PDE4B: variants seen among roughly 807,000 people sequenced by gnomAD.
PDE4B encodes the protein 3',5'-cyclic-AMP phosphodiesterase 4B.
In PDE4B, 20 loss-of-function variants were observed where a neutral mutation model predicts 82.2. The observed-to-expected ratio is 0.24, with a 90% CI of 0.17 to 0.35. The LOEUF is 0.35. PDE4B is among the 10% of genes least tolerant of loss of function. The pLI, the probability that PDE4B is intolerant of heterozygous loss-of-function variation, is 1.00. For synonymous variants in PDE4B, 320 were observed against 318.9 expected, an observed-to-expected ratio of 1.00 and a Z score of -0.04; for missense variants, 655 against 907.2, an observed-to-expected ratio of 0.72 and a Z score of 3.57.
At chr1:66,072,917 G>A (rs768012102) in intron 3 of PDE4B, among the ~76,000 whole-genome samples, 24 of 151,742 alleles carry the variant, frequency 1.6e-4, no homozygotes, top group Admixed American at 2.6e-4. Flanking sequence ...GGAAACTGTA[G>A]GATTGATGAA....
At chr1:66,246,568 A>G (rs901533131) in intron 3 of PDE4B, among the ~76,000 whole-genome samples, 3 of 152,210 alleles carry the variant, frequency 2.0e-5, no homozygotes, top group Non-Finnish European at 4.4e-5. Context: ...GCAGGAAAAA[A>G]TGCATATGTA....
intron 3 of PDE4B, among the ~76,000 whole-genome samples, chr1:66,033,610 A>T (rs569318733): frequency 6.6e-6 from 1 of 151,968 alleles, no homozygotes; most frequent in Non-Finnish European, 1.5e-5. Flanking sequence ...TTAGAATCTT[A>T]CTTGGAATGT....
chr1:65,875,616 C>A (rs1453758640), intron 1 of PDE4B, among the ~76,000 whole-genome samples: 6 of 147,684 alleles, frequency 4.1e-5, no homozygotes, highest in Admixed American at 2.7e-4. Context: ...GAATACTATG[C>A]AGCCATAAAA....
chr1:65,873,583 A>T (rs1265011914), intron 1 of PDE4B, among the ~76,000 whole-genome samples: 1 of 152,220 alleles, frequency 6.6e-6, no homozygotes, highest in African/African-American at 2.4e-5. Flanking sequence ...ATCATCACAT[A>T]CTTTCCTCAG....
At chr1:65,956,757 T>A (rs1444817307) in intron 3 of PDE4B, among the ~76,000 whole-genome samples, 1 of 152,138 alleles carries the variant, frequency 6.6e-6, no homozygotes. Context: ...TGCACATATG[T>A]ACCCGGAGAA....
At chr1:66,104,876 C>A (rs1645310160) in intron 3 of PDE4B, among the ~76,000 whole-genome samples, 1 of 145,166 alleles carries the variant, frequency 6.9e-6, no homozygotes, top group Non-Finnish European at 1.5e-5. Flanking sequence ...AAATTTTCTC[C>A]CATTTTGTAG....
At chr1:66,217,966 G>A (rs1323646446) in intron 3 of PDE4B, among the ~76,000 whole-genome samples, 4 of 152,068 alleles carry the variant, frequency 2.6e-5, no homozygotes, top group African/African-American at 9.7e-5. Context: ...GAGGAAGGGA[G>A]TGTTTTACTT....
At chr1:66,264,039 C>T (rs1012261743) in intron 6 of PDE4B, among the ~76,000 whole-genome samples, 5 of 152,192 alleles carry the variant, frequency 3.3e-5, no homozygotes, top group African/African-American at 4.8e-5. Context: ...AAGTTGTTCC[C>T]TGCTCACATA....
intron 3 of PDE4B, among the ~76,000 whole-genome samples, chr1:66,029,332 G>C (rs1387319229): frequency 6.6e-6 from 1 of 152,146 alleles, no homozygotes; most frequent in Non-Finnish European, 1.5e-5. Flanking sequence ...ACAACACATG[G>C]AAATTCTAGG....
At chr1:66,031,059 C>T (rs754752887) in intron 3 of PDE4B, among the ~76,000 whole-genome samples, 18 of 152,206 alleles carry the variant, frequency 1.2e-4, no homozygotes, top group Non-Finnish European at 4.4e-5. Flanking sequence ...AAGCCTCAAC[C>T]ACAGGCAATT....
chr1:65,807,193 G>A (rs373290904), intron 1 of PDE4B, among the ~76,000 whole-genome samples: 1 of 152,106 alleles, frequency 6.6e-6, no homozygotes, highest in African/African-American at 2.4e-5. Context: ...CCCTTTGCAG[G>A]TACCTCAGAG....
intron 3 of PDE4B, among the ~76,000 whole-genome samples, chr1:66,205,857 C>A (rs1321423788): frequency 2.0e-5 from 3 of 152,226 alleles, no homozygotes; most frequent in Non-Finnish European, 4.4e-5. Context: ...TGCCCTGTTG[C>A]CTCCCCTGGC....
chr1:66,284,609 G>A (rs942514412), intron 7 of PDE4B, among the ~76,000 whole-genome samples: 6 of 152,082 alleles, frequency 3.9e-5, no homozygotes, highest in Admixed American at 6.6e-5. Context: ...AGTGCACCAA[G>A]ATCATTGCAG....
intron 7 of PDE4B, among the ~76,000 whole-genome samples, chr1:66,268,213 T>C (rs900040892): frequency 1.3e-5 from 2 of 152,198 alleles, no homozygotes; most frequent in African/African-American, 2.4e-5. Flanking sequence ...AAATACCAAA[T>C]CTTAAAATGC....
intron 3 of PDE4B, among the ~76,000 whole-genome samples, chr1:66,244,369 G>T (rs78822937): frequency 0.02 from 3,058 of 152,162 alleles, 41 homozygotes; most frequent in Middle Eastern, 0.058. Context: ...GCAGCCTAAA[G>T]GTGAAATATG....
At chr1:66,204,876 C>G (rs944610588) in intron 3 of PDE4B, among the ~76,000 whole-genome samples, 1 of 152,188 alleles carries the variant, frequency 6.6e-6, no homozygotes, top group Non-Finnish European at 1.5e-5. Context: ...GTCTGGCACT[C>G]CCTAGTGAGA....
At chr1:66,241,885 G>A (rs1268576220) in intron 3 of PDE4B, among the ~76,000 whole-genome samples, 1 of 152,150 alleles carries the variant, frequency 6.6e-6, no homozygotes, top group Non-Finnish European at 1.5e-5. Context: ...ACCTGCCAGA[G>A]GTTTTAATCC....
At chr1:65,963,853 C>T (rs1448020815) in intron 3 of PDE4B, among the ~76,000 whole-genome samples, 4 of 152,156 alleles carry the variant, frequency 2.6e-5, no homozygotes, top group Non-Finnish European at 4.4e-5. Context: ...ATTAGCTGAG[C>T]TTGGACTGTA....
At chr1:66,037,644 G>A (rs1654139873) in intron 3 of PDE4B, among the ~76,000 whole-genome samples, 1 of 151,856 alleles carries the variant, frequency 6.6e-6, no homozygotes, top group Non-Finnish European at 1.5e-5. Context: ...CTAGTACTTC[G>A]AGTGCTATGT....
Sources: allele counts gnomAD v4.1 joint callset (sites outside exome capture counted in the v4.1 genomes callset), GRCh38; gene constraint gnomAD v4.1.1; transcripts MANE v1.5; gene names NCBI Gene and HGNC (gene_info 2026-07-23, HGNC 2026-07-21).